The following USP24 variants were observed in gnomAD, a reference collection of about 807,000 sequenced individuals.
The protein encoded by USP24 is ubiquitin carboxyl-terminal hydrolase 24.
Under a neutral mutation model 361.6 loss-of-function variants are expected in USP24, and 97 were observed. That is an observed-to-expected ratio of 0.27 (90% CI 0.23 to 0.32). The LOEUF is 0.32. USP24 is among the 10% of genes least tolerant of loss of function. USP24 has a pLI of 1.00. For synonymous variants in USP24, 1,098 were observed against 1,124.6 expected (o/e 0.98, Z 0.47); for missense variants, 2,353 against 3,165.6 (o/e 0.74, Z 6.16).
chr1:55,140,886 A>G (rs1453097774), intron 24 of USP24, among the ~76,000 whole-genome samples: 3 of 152,138 alleles, frequency 2.0e-5, no homozygotes, highest in Non-Finnish European at 4.4e-5. Flanking sequence ...GGTTTCTCCT[A>G]TATCTCCTAT....
chr1:55,186,527 TC>T (rs540115357), intron 1 of USP24, among the ~76,000 whole-genome samples: 35 of 152,286 alleles, frequency 2.3e-4, no homozygotes, highest in African/African-American at 7.2e-4. Flanking sequence ...AACCCAAGTG[TC>T]CATCAACAAA....
chr1:55,086,054 A>G lies in USP24; in HGVS notation c.6669-16T>C. On this transcript the variant is annotated splice_polypyrimidine_tract_variant and intron_variant, in intron 55 of 67. Coordinates refer to ENST00000294383, the MANE Select transcript of USP24 (RefSeq NM_015306.3). ...TAAGAAAATCCTGAAAGAAAGAGAA[A>G]GGTGGTGTGAAAAAGCAAGATACAT... 6.2e-7 allele frequency: 1 copy of G among 1,612,702 alleles called. No homozygotes were observed. Among genetic ancestry groups the G allele is most frequent in the Non-Finnish European group, 8.5e-7 (1 of 1,178,904 alleles).
chr1:55,083,566 C>G (rs1436802769), intron 57 of USP24, among the ~76,000 whole-genome samples: 1 of 152,018 alleles, frequency 6.6e-6, no homozygotes, highest in Non-Finnish European at 1.5e-5. Context: ...ACAATTAACC[C>G]CTAGTTTTAA....
At position 55,185,399 on chromosome 1, in the gene USP24, G is replaced by A. The variant is rs576830656; in HGVS notation, c.325-7267C>T. On this transcript the variant is annotated intron_variant, in intron 1 of 67. Coordinates refer to ENST00000294383, the MANE Select transcript of USP24 (RefSeq NM_015306.3). ...GCAGAAGGAAACAGAAAAGATCAGA[G>A]TAGAAATAAATAAATTTAAAAATAT... Among the ~76,000 whole-genome samples, 13 of 151,310 alleles carry A rather than the reference G, an allele frequency of 8.6e-5. No homozygotes were observed. The South Asian group carries it at 2.3e-3, about 27-fold the overall frequency.
chr1:55,080,355 C>T (rs1275334729), intron 59 of USP24, among the ~76,000 whole-genome samples: 4 of 152,172 alleles, frequency 2.6e-5, no homozygotes, highest in African/African-American at 9.7e-5. Context: ...AAGCATTTCT[C>T]TATCAGAAGG....
intron 45 of USP24, 93 bp downstream of exon 45, chr1:55,099,678 G>A (rs977442744): frequency 2.0e-5 from 17 of 851,696 alleles, no homozygotes; most frequent in Admixed American, 1.0e-4. Context: ...TTTCTGATTC[G>A]TCAGTTTCAT....
intron 31 of USP24, among the ~76,000 whole-genome samples, chr1:55,130,156 C>T (rs972099805): frequency 2.0e-5 from 3 of 152,236 alleles, no homozygotes; most frequent in African/African-American, 7.2e-5. Flanking sequence ...GCAATGCCTA[C>T]ACCTAAAGTG....
intron 42 of USP24, among the ~76,000 whole-genome samples, chr1:55,103,115 A>C (rs992451169): frequency 6.6e-6 from 1 of 152,188 alleles, no homozygotes; most frequent in East Asian, 1.9e-4. Flanking sequence ...GTGGACCTGC[A>C]ATATACTTCC....
In USP24 at chr1:55,201,984, TG is replaced by T. The variant is rs560312973; in HGVS notation, c.324+12805del. 3.6e-3 allele frequency among the ~76,000 whole-genome samples: 547 copies of T among 152,282 alleles called. 2 individuals are homozygous for T. The highest frequency in any genetic ancestry group is 0.012 in the African/African-American group (515 of 41,554). On this transcript the variant is annotated intron_variant, in intron 1 of 67. Coordinates refer to ENST00000294383, the MANE Select transcript of USP24 (RefSeq NM_015306.3). ...AATTGATACCACACACACAGTGCTA[TG>T]GAATAGCCCACTATGGCAAGAGGTG...
Position 55,073,856 on chromosome 1 carries a change from C to T in USP24, c.7498G>A (p.Val2500Ile). The change falls in exon 64 of 68, where the codon GTC becomes ATC. Residue 2500 changes from valine to isoleucine, a missense_variant. By Grantham distance (29) the Val-to-Ile change is conservative. Around this residue, in one of 8 missense-constraint regions of USP24, gnomAD observed 598 missense variants for 761.9 expected, o/e 0.78. Coordinates refer to ENST00000294383, the MANE Select transcript of USP24 (RefSeq NM_015306.3). Reference protein sequence around the residue: ...HVDSSRCYQCVKFLVTLAQKC... With the variant: ...HVDSSRCYQCIKFLVTLAQKC... Reference sequence around the variant, plus strand: ...TGAGCAAGAGTGACAAGAAATTTGACACACTGGTAGCAGCGACTACTGTCC... The same window carrying T: ...TGAGCAAGAGTGACAAGAAATTTGATACACTGGTAGCAGCGACTACTGTCC... 2 of 1,580,826 alleles carry T rather than the reference C, an allele frequency of 1.3e-6. No homozygotes were observed. Among genetic ancestry groups the T allele is most frequent in the East Asian group, 2.3e-5 (1 of 43,566 alleles).
chr1:55,072,135 C>T (rs1391009266), intron 66 of USP24, among the ~76,000 whole-genome samples, 182 bp downstream of exon 66: 1 of 152,096 alleles, frequency 6.6e-6, no homozygotes, highest in African/African-American at 2.4e-5. Flanking sequence ...GACAAATAAT[C>T]TGCACAAATT....
At chr1:55,133,695 T>G (rs921278301) in intron 30 of USP24, among the ~76,000 whole-genome samples, 4 of 150,086 alleles carry the variant, frequency 2.7e-5, no homozygotes, top group Non-Finnish European at 5.9e-5. Flanking sequence ...CAGAGTGCAG[T>G]GTGTAATCTT....
intron 1 of USP24, among the ~76,000 whole-genome samples, chr1:55,183,375 A>G (rs1644033082): frequency 6.6e-6 from 1 of 152,236 alleles, no homozygotes; most frequent in Non-Finnish European, 1.5e-5. Flanking sequence ...CTGTATATCT[A>G]AATACATACA....
chr1:55,107,257 C>T lies in USP24; in HGVS notation c.4744G>A (p.Ala1582Thr), dbSNP rs373696574. 1.9e-6 allele frequency: 3 copies of T among 1,609,950 alleles called. No homozygotes were observed. Among genetic ancestry groups the T allele is most frequent in the Admixed American group, 1.7e-5 (1 of 59,058 alleles). Reference protein sequence around the residue: ...LIKTLLSLCGAEKEMLGSSLI... With the variant: ...LIKTLLSLCGTEKEMLGSSLI... Reference sequence around the variant, plus strand: ...TAATTACCAAGCATTTCCTTTTCTGCCCCACAGAGTGAAAGAAGGGTCTTG... The same window carrying T: ...TAATTACCAAGCATTTCCTTTTCTGTCCCACAGAGTGAAAGAAGGGTCTTG... Residue 1582 changes from alanine (A) to threonine (T), a missense_variant, in exon 40 of 68, where the codon GCA becomes ACA. Physicochemically the swap from Ala to Thr is moderately conservative, Grantham distance 58. Coordinates refer to ENST00000294383, the MANE Select transcript of USP24 (RefSeq NM_015306.3).
intron 1 of USP24, 109 bp from the exon 2 acceptor site, chr1:55,178,241 C>A (rs1650187086): frequency 9.3e-7 from 1 of 1,071,162 alleles, no homozygotes; most frequent in Non-Finnish European, 1.3e-6. Flanking sequence ...GCTATTAATA[C>A]CAATAGCATG....
At chr1:55,159,404 C>T (rs1648034033) in intron 9 of USP24, among the ~76,000 whole-genome samples, 1 of 152,190 alleles carries the variant, frequency 6.6e-6, no homozygotes, top group African/African-American at 2.4e-5. Flanking sequence ...TTACTGAGAA[C>T]ACTGTATTAA....
At chr1:55,115,992 GA>G (rs1469887194) in intron 38 of USP24, among the ~76,000 whole-genome samples, 1 of 152,000 alleles carries the variant, frequency 6.6e-6, no homozygotes, top group Non-Finnish European at 1.5e-5. Flanking sequence ...ACAGGGAGGG[GA>G]ACACCACACA....
intron 38 of USP24, among the ~76,000 whole-genome samples, chr1:55,113,356 C>T (rs1294093667): frequency 6.6e-6 from 1 of 152,098 alleles, no homozygotes; most frequent in Non-Finnish European, 1.5e-5. Context: ...CCTGAATAGA[C>T]CAATAACAAG....
intron 3 of USP24, among the ~76,000 whole-genome samples, chr1:55,174,104 C>T (rs889909870): frequency 6.6e-5 from 10 of 152,176 alleles, no homozygotes; most frequent in Non-Finnish European, 1.5e-4. Flanking sequence ...AGTAAAAATC[C>T]AGGCTAGCCT....
Sources: allele counts gnomAD v4.1 joint callset (sites outside exome capture counted in the v4.1 genomes callset), GRCh38; gene constraint gnomAD v4.1.1; regional missense constraint gnomAD v4.1.1; transcripts MANE v1.5; gene names NCBI Gene and HGNC (gene_info 2026-07-23, HGNC 2026-07-21).